MPPED2: variants seen among roughly 807,000 people sequenced by gnomAD.
The protein encoded by MPPED2 is metallophosphoesterase domain containing 2.
A neutral mutation model predicts 33.0 loss-of-function variants in MPPED2; 5 were observed. The ratio of observed to expected loss-of-function variants is 0.15; its 90% confidence interval spans 0.08 to 0.32. The LOEUF (loss-of-function observed/expected upper bound fraction) is 0.32, where lower values mean the gene tolerates loss of function less well. MPPED2 is among the 10% of genes least tolerant of loss of function. MPPED2 has a pLI of 1.00. For synonymous variants in MPPED2, 136 were observed against 141.9 expected (o/e 0.96, Z 0.29); for missense variants, 275 against 372.1 (o/e 0.74, Z 2.15).
intron 2 of MPPED2, among the ~76,000 whole-genome samples, chr11:30,544,386 G>T (rs1427151993): frequency 6.6e-6 from 1 of 152,192 alleles, no homozygotes; most frequent in Non-Finnish European, 1.5e-5. Context: ...CACACAGTAT[G>T]TTGGTCTGTC....
chr11:30,389,170 G>A (rs1947739763), intron 6 of MPPED2, among the ~76,000 whole-genome samples: 1 of 152,166 alleles, frequency 6.6e-6, no homozygotes, highest in African/African-American at 2.4e-5. Context: ...CCTTGCAAAA[G>A]TGATTAATGA....
Position 30,417,563 on chromosome 11 carries a change from T to C in MPPED2, c.607A>G (p.Ile203Val), listed in dbSNP as rs747862152. 26 of 1,613,366 alleles carry C rather than the reference T, an allele frequency of 1.6e-5. No homozygotes were observed. The highest frequency in any genetic ancestry group is 2.0e-5 in the Non-Finnish European group (24 of 1,179,500). The stretch of plus-strand genomic sequence containing the variant: ...ATGAGTATGTCAATGCCCTCAGGGA[T>C]GAGGTTCCACTTGTCCAGCAGAGAC... The part of the protein sequence containing the change: ...GQSLLDKWNL[I>V]PEGIDILMTH... Residue 203 changes from isoleucine to valine, a missense_variant, in exon 5 of 7, where the codon ATC (isoleucine) becomes GTC (valine). Transcript: ENST00000358117.
chr11:30,530,545 G>A (rs561754451), intron 3 of MPPED2, among the ~76,000 whole-genome samples: 82 of 152,346 alleles, frequency 5.4e-4, no homozygotes, highest in African/African-American at 1.8e-3. Context: ...CTGTCATAAA[G>A]GATGAGTTCT....
intron 6 of MPPED2, among the ~76,000 whole-genome samples, chr11:30,397,395 T>C (rs1947851933): frequency 6.6e-6 from 1 of 152,168 alleles, no homozygotes; most frequent in East Asian, 1.9e-4. Flanking sequence ...TATTCAATAA[T>C]GTATTTATTT....
intron 3 of MPPED2, among the ~76,000 whole-genome samples, chr11:30,530,727 T>G (rs1954475077): frequency 6.6e-6 from 1 of 152,226 alleles, no homozygotes; most frequent in Admixed American, 6.5e-5. Context: ...TGCCTATTTG[T>G]GTAGCATCCA....
At chr11:30,393,140 T>C (rs1947800466) in intron 6 of MPPED2, among the ~76,000 whole-genome samples, 1 of 152,198 alleles carries the variant, frequency 6.6e-6, no homozygotes, top group Non-Finnish European at 1.5e-5. Context: ...CTATGAGTCA[T>C]GTGGGTCAGA....
chr11:30,449,344 G>A (rs894375424), intron 4 of MPPED2, among the ~76,000 whole-genome samples: 17 of 152,180 alleles, frequency 1.1e-4, no homozygotes, highest in Non-Finnish European at 2.5e-4. Flanking sequence ...TGAGCTGAAA[G>A]CAACGGAGAA....
intron 3 of MPPED2, among the ~76,000 whole-genome samples, chr11:30,513,890 C>T (rs1953369523): frequency 1.3e-5 from 2 of 151,058 alleles, no homozygotes; most frequent in Non-Finnish European, 2.9e-5. Context: ...TTTTAAAATG[C>T]TACCCAAGCC....
intron 3 of MPPED2, among the ~76,000 whole-genome samples, chr11:30,530,145 T>C (rs1021290297): frequency 2.0e-5 from 3 of 152,128 alleles, no homozygotes; most frequent in African/African-American, 7.2e-5. Context: ...ACAGCAACAA[T>C]ATACCCTTCT....
intron 6 of MPPED2, among the ~76,000 whole-genome samples, chr11:30,395,704 C>T (rs532864572): frequency 5.8e-4 from 88 of 152,296 alleles, no homozygotes; most frequent in Non-Finnish European, 1.0e-3. Flanking sequence ...GATTGTCACA[C>T]TGGCTACAGG....
chr11:30,478,671 T>C (rs780597340), intron 4 of MPPED2, among the ~76,000 whole-genome samples: 17 of 152,152 alleles, frequency 1.1e-4, no homozygotes, highest in Non-Finnish European at 2.5e-4. Flanking sequence ...GAAAAGGCTC[T>C]AAACCAACAA....
intron 4 of MPPED2, among the ~76,000 whole-genome samples, chr11:30,472,718 T>C (rs1003692111): frequency 2.0e-5 from 3 of 152,194 alleles, no homozygotes; most frequent in African/African-American, 7.2e-5. Flanking sequence ...GTCATATTCA[T>C]TGAGACACAA....
intron 5 of MPPED2, 36 bp downstream of exon 5, chr11:30,417,482 A>G (rs939628011): frequency 1.3e-5 from 16 of 1,236,240 alleles, no homozygotes; most frequent in African/African-American, 7.5e-5. Context: ...AAAAAAAGGC[A>G]TCTGGATGAC....
chr11:30,562,838 A>T (rs935638242), intron 2 of MPPED2, among the ~76,000 whole-genome samples: 46 of 152,140 alleles, frequency 3.0e-4, no homozygotes, highest in African/African-American at 1.1e-3. Context: ...TTCTATTACC[A>T]ATAATGCACA....
chr11:30,396,172 C>A (rs1947838003), intron 6 of MPPED2, among the ~76,000 whole-genome samples: 1 of 152,108 alleles, frequency 6.6e-6, no homozygotes, highest in Non-Finnish European at 1.5e-5. Context: ...TCCTCTGACT[C>A]CCCTGTGCAG....
At chr11:30,551,525 T>C (rs533703795) in intron 2 of MPPED2, among the ~76,000 whole-genome samples, 1 of 152,338 alleles carries the variant, frequency 6.6e-6, no homozygotes, top group South Asian at 2.1e-4. Flanking sequence ...CTAATAAATT[T>C]ATGAATTCTA....
chr11:30,410,179 A>G (rs1207857868), downstream of MPPED2: 1 of 985,654 alleles, frequency 1.0e-6, no homozygotes, highest in Admixed American at 6.2e-5. Context: ...CTTCCCCAGG[A>G]CGAAACTACC....
exon 7 of MPPED2, chr11:30,385,768 G>C (rs1470289100): frequency 2.6e-5 from 4 of 151,814 alleles, no homozygotes; most frequent in Non-Finnish European, 5.9e-5. Flanking sequence ...GAACACTTTT[G>C]TCCCAGGTCT....
intron 5 of MPPED2, among the ~76,000 whole-genome samples, chr11:30,415,324 G>A (rs944468604): frequency 7.9e-5 from 12 of 152,134 alleles, no homozygotes; most frequent in South Asian, 2.1e-4. Flanking sequence ...TCTATCCAGC[G>A]TTTTCAAAAC....
Sources: gnomAD v4.1 joint callset for allele counts (sites outside exome capture counted in the v4.1 genomes callset) on GRCh38, gnomAD v4.1.1 for gene constraint, MANE v1.5 for transcripts, NCBI Gene and HGNC (gene_info 2026-07-23, HGNC 2026-07-21) for gene names.